Variants in DLGAP1 observed in about 807,000 individuals in gnomAD.
DLGAP1 encodes the protein DLG associated protein 1, also known as disks large-associated protein 1.
In DLGAP1, 11 loss-of-function variants were observed where a neutral mutation model predicts 90.8. The observed-to-expected ratio is 0.12, with a 90% confidence interval of 0.08 to 0.20. The LOEUF (loss-of-function observed/expected upper bound fraction) is 0.20, where lower values mean the gene tolerates loss of function less well. Among genes scored for constraint, DLGAP1 ranks in the 10% least tolerant of loss-of-function variants. The pLI, the probability that DLGAP1 is intolerant of heterozygous loss-of-function variation, is 1.00. For synonymous variants in DLGAP1, 558 were observed against 540.7 expected (o/e 1.03, Z -0.44); for missense variants, 1,050 against 1,333.8 (o/e 0.79, Z 3.31).
At chr18:4,253,346 ATATT>A (rs2078822341) in intron 1 of DLGAP1, among the ~76,000 whole-genome samples, 2 of 152,198 alleles carry the variant, frequency 1.3e-5, no homozygotes, top group Admixed American at 1.3e-4. Flanking sequence ...AAGGAAAATA[ATATT>A]CTGAAATATT....
At chr18:3,642,202 T>C (rs1158100848) in intron 7 of DLGAP1, among the ~76,000 whole-genome samples, 1 of 152,246 alleles carries the variant, frequency 6.6e-6, no homozygotes, top group Non-Finnish European at 1.5e-5. Flanking sequence ...TTATCCAAAA[T>C]GCTTGAGACC....
At chr18:4,082,815 T>A (rs188782790) in intron 2 of DLGAP1, among the ~76,000 whole-genome samples, 1 of 152,206 alleles carries the variant, frequency 6.6e-6, no homozygotes, top group Admixed American at 6.5e-5. Context: ...TCTGTCTGGC[T>A]TCTTTGCTAA....
Position 4,007,808 on chromosome 18 carries a change from T to A in DLGAP1, c.-158-2607A>T, listed in dbSNP as rs561610600. ...ACTTATGTCAAGGATTTATAAATAC[T>A]TATTGTGCAAACACTATGGATCCTA... On this transcript the variant is annotated intron_variant, in intron 2 of 12. Coordinates refer to ENST00000315677, the MANE Select transcript of DLGAP1 (RefSeq NM_004746.4). 3.2e-4 allele frequency among the ~76,000 whole-genome samples: 48 copies of A among 152,338 alleles called. No individual in the cohort carries two copies. In the South Asian group the frequency reaches 1.0e-2, roughly 32 times the overall value.
intron 1 of DLGAP1, among the ~76,000 whole-genome samples, chr18:4,156,349 T>C (rs2076756049): frequency 1.3e-5 from 2 of 152,190 alleles, no homozygotes; most frequent in East Asian, 1.9e-4. Context: ...CAGATGATTA[T>C]ATAAGGATTA....
At chr18:3,508,141 A>G (rs1246516708) in intron 11 of DLGAP1, among the ~76,000 whole-genome samples, 3 of 152,258 alleles carry the variant, frequency 2.0e-5, no homozygotes, top group African/African-American at 7.2e-5. Context: ...CTCTTGAATT[A>G]AAACAGAGAA....
At chr18:3,588,550 G>A (rs2056034491) in intron 7 of DLGAP1, among the ~76,000 whole-genome samples, 1 of 151,980 alleles carries the variant, frequency 6.6e-6, no homozygotes, top group South Asian at 2.1e-4. Context: ...GGGATGCTGA[G>A]GCAGGTGGAT....
At chr18:4,300,201 CTTA>C (rs919220693) in intron 1 of DLGAP1, among the ~76,000 whole-genome samples, 4 of 152,048 alleles carry the variant, frequency 2.6e-5, no homozygotes, top group South Asian at 2.1e-4. Context: ...AATATTTAAA[CTTA>C]TTATTTACCT....
chr18:3,874,251 T>C, intron 4 of DLGAP1: 1 of 1,549,944 alleles, frequency 6.5e-7, no homozygotes, highest in Non-Finnish European at 8.7e-7. Flanking sequence ...AAATTTCATC[T>C]CTGGGAGTGC....
intron 1 of DLGAP1, among the ~76,000 whole-genome samples, chr18:4,414,398 T>C (rs553364717): frequency 6.8e-4 from 103 of 152,302 alleles, no homozygotes; most frequent in African/African-American, 2.3e-3. Flanking sequence ...AAATAAGCAA[T>C]GTCATTATGA....
At chr18:3,903,387 A>G (rs1358838651) in intron 3 of DLGAP1, among the ~76,000 whole-genome samples, 1 of 152,210 alleles carries the variant, frequency 6.6e-6, no homozygotes, top group East Asian at 1.9e-4. Context: ...TTCAAAAACC[A>G]TTATTTGTAA....
chr18:4,424,993 T>TG (rs1195783071), intron 1 of DLGAP1, among the ~76,000 whole-genome samples: 1 of 146,626 alleles, frequency 6.8e-6, no homozygotes, highest in Non-Finnish European at 1.5e-5. Flanking sequence ...ACATATTTAC[T>TG]GCCTAGTATA....
intron 2 of DLGAP1, among the ~76,000 whole-genome samples, chr18:4,109,257 T>C (rs2075927711): frequency 6.6e-6 from 1 of 152,018 alleles, no homozygotes; most frequent in African/African-American, 2.4e-5. Flanking sequence ...AGCACACCTA[T>C]GCCAGCTTTT....
chr18:4,208,805 G>A (rs757161452), intron 1 of DLGAP1, among the ~76,000 whole-genome samples: 7 of 151,848 alleles, frequency 4.6e-5, no homozygotes, highest in Non-Finnish European at 8.8e-5. Context: ...AGGAGAGGTT[G>A]GGGGGGTGGA....
chr18:4,284,072 G>A (rs1047359169), intron 1 of DLGAP1, among the ~76,000 whole-genome samples: 1 of 151,976 alleles, frequency 6.6e-6, no homozygotes, highest in Admixed American at 6.6e-5. Context: ...AGGAGGTGGA[G>A]GGGGGAGGAT....
At chr18:4,026,842 T>C (rs1395280519) in intron 2 of DLGAP1, among the ~76,000 whole-genome samples, 1 of 152,208 alleles carries the variant, frequency 6.6e-6, no homozygotes, top group Non-Finnish European at 1.5e-5. Flanking sequence ...CATGCGACTT[T>C]CTGATTTAGC....
At chr18:3,500,033 C>T (rs991505237) in intron 12 of DLGAP1, among the ~76,000 whole-genome samples, 1 of 152,112 alleles carries the variant, frequency 6.6e-6, no homozygotes, top group Non-Finnish European at 1.5e-5. Context: ...AGAGGGAGGC[C>T]ATTGATATTT....
intron 1 of DLGAP1, among the ~76,000 whole-genome samples, chr18:4,197,353 C>A (rs187389826): frequency 6.6e-6 from 1 of 151,892 alleles, no homozygotes; most frequent in East Asian, 1.9e-4. Flanking sequence ...GTACAATGCC[C>A]TGGGGTGGGT....
chr18:3,886,987 T>A (rs1432376663), intron 3 of DLGAP1, among the ~76,000 whole-genome samples: 1 of 152,188 alleles, frequency 6.6e-6, no homozygotes, highest in African/African-American at 2.4e-5. Flanking sequence ...AGATAAAGGT[T>A]CTGACCTACA....
At chr18:4,229,721 C>A (rs1027597128) in intron 1 of DLGAP1, among the ~76,000 whole-genome samples, 1 of 151,778 alleles carries the variant, frequency 6.6e-6, no homozygotes, top group East Asian at 1.9e-4. Flanking sequence ...GAAACTACTA[C>A]AAGAAAACAT....
Sources: allele counts gnomAD v4.1 joint callset (sites outside exome capture counted in the v4.1 genomes callset), GRCh38; gene constraint gnomAD v4.1.1; transcripts MANE v1.5; gene names NCBI Gene and HGNC (gene_info 2026-07-23, HGNC 2026-07-21).